Variants in TOP1 observed in about 807,000 individuals in gnomAD.
TOP1 encodes DNA topoisomerase I, also known as DNA topoisomerase 1.
Under a neutral mutation model 111.1 loss-of-function variants are expected in TOP1, and 10 were observed. The observed-to-expected ratio is 0.09, with a 90% CI of 0.06 to 0.15. The LOEUF is 0.15. TOP1 is among the 10% of genes least tolerant of loss of function. TOP1 has a pLI of 1.00. For synonymous variants in TOP1, 271 were observed against 302.9 expected, an observed-to-expected ratio of 0.89 and a Z score of 1.10; for missense variants, 474 against 926.7, an observed-to-expected ratio of 0.51 and a Z score of 6.34.
chr20:41,030,194 A>G lies in TOP1; in HGVS notation c.58+739A>G, dbSNP rs1329348908. 6.6e-6 allele frequency among the ~76,000 whole-genome samples: 1 copy of G among 152,194 alleles called. No homozygotes were observed. The highest frequency in any genetic ancestry group is 1.5e-5 in the Non-Finnish European group (1 of 68,026). On this transcript the variant is annotated intron_variant, in intron 2 of 20. Transcript: ENST00000361337. The surrounding 1 kb of genome is among the most constrained non-coding windows in gnomAD (Gnocchi z 4.1). ...TTGCAAGTTCTCTGTGGGTCACCCA[A>G]TGTAAATGTTGGATTTTTAAAAAAT...
rs1320590770 is a variant in TOP1 at position 41,061,090 on chromosome 20, A to G, written c.59-304A>G. Reference sequence around the variant, plus strand: ...ATACTATCCCTTTGTTATCATTTATAGGTCAGGCTTAATAGTATTATGTCT... The same window carrying G: ...ATACTATCCCTTTGTTATCATTTATGGGTCAGGCTTAATAGTATTATGTCT... On this transcript the variant is annotated intron_variant, in intron 2 of 20. Transcript: ENST00000361337. The surrounding 1 kb of genome is among the most constrained non-coding windows in gnomAD (Gnocchi z 4.6). 6.6e-6 allele frequency among the ~76,000 whole-genome samples: 1 copy of G among 152,186 alleles called. No individual in the cohort carries two copies. The highest frequency in any genetic ancestry group is 1.5e-5 in the Non-Finnish European group (1 of 68,028).
At chr20:41,038,935 G>A (rs1033918207) in intron 2 of TOP1, among the ~76,000 whole-genome samples, 4 of 151,836 alleles carry the variant, frequency 2.6e-5, no homozygotes, top group Admixed American at 2.6e-4. Flanking sequence ...GTTGCAGTGA[G>A]CCGTGAGCAT....
Position 41,092,685 on chromosome 20 carries a change from C to G in TOP1, c.730+98C>G. On this transcript the variant is annotated intron_variant, in intron 9 of 20. Transcript: ENST00000361337. This position sits in a 1 kb window ranked among gnomAD's most constrained non-coding sequence, Gnocchi z 4.3. ...GAAGGATCCTATGTAATAGATAATC[C>G]TTTTTATTTCATTTTGTTTTATTGC... is the stretch of plus-strand genomic sequence containing the variant. 1.7e-6 allele frequency: 1 copy of G among 597,520 alleles called. No individual in the cohort carries two copies. The highest frequency in any genetic ancestry group is 3.1e-5 in the Admixed American group (1 of 32,458). 37.0% of individuals were successfully genotyped at this position (597,520 alleles called of 1,614,324 possible). A position where few individuals can be genotyped will look rare whatever the true frequency, so the allele number is the denominator to read the frequency against.
At position 41,078,497 on chromosome 20, in the gene TOP1, G is replaced by A. The variant is rs573005335; in HGVS notation, c.335+860G>A. Among the ~76,000 whole-genome samples the A allele has an allele frequency of 6.6e-6, 1 of 152,254 alleles. No homozygotes were observed. Among genetic ancestry groups the A allele is most frequent in the Non-Finnish European group, 1.5e-5 (1 of 68,008 alleles). Reference sequence around the variant, plus strand: ...TTGACAATTGTGCCTGGTACTCTGGGGTCCTTTAGACAAGGAGAAAAGCAG... The same window carrying A: ...TTGACAATTGTGCCTGGTACTCTGGAGTCCTTTAGACAAGGAGAAAAGCAG... On this transcript the variant is annotated intron_variant, in intron 5 of 20. Transcript: ENST00000361337. This position sits in a 1 kb window ranked among gnomAD's most constrained non-coding sequence, Gnocchi z 5.3.
rs966289493 is a variant in TOP1 at position 41,032,015 on chromosome 20, A to G, written c.58+2560A>G. 6.6e-6 allele frequency among the ~76,000 whole-genome samples: 1 copy of G among 152,232 alleles called. No homozygotes were observed. Among genetic ancestry groups the G allele is most frequent in the Non-Finnish European group, 1.5e-5 (1 of 68,044 alleles). On this transcript the variant is annotated intron_variant, in intron 2 of 20. Coordinates refer to ENST00000361337, the MANE Select transcript of TOP1 (RefSeq NM_003286.4). This position sits in a 1 kb window ranked among gnomAD's most constrained non-coding sequence, Gnocchi z 4.3. ...TTGCTATCTCAAGTAATACATTGTT[A>G]ACCAGTGATTGATTTATGTAACTAT... is the stretch of plus-strand genomic sequence containing the variant.
In TOP1 at chr20:41,076,182, A is replaced by C. The variant is rs2033725364; in HGVS notation, c.167A>C (p.Asp56Ala). The C allele has an allele frequency of 1.2e-6, 2 of 1,610,144 alleles. No individual in the cohort carries two copies. The highest frequency in any genetic ancestry group is 1.7e-6 in the Non-Finnish European group (2 of 1,177,856). ...TTAACTTTTTACAGTGAACATAAAG[A>C]TTCTGAAAAGAAACACAAAGAGAAG... Reference protein sequence around the residue: ...KSKHSNSEHKDSEKKHKEKEK... With the variant: ...KSKHSNSEHKASEKKHKEKEK... The change falls in exon 4 of 21, where the codon GAT (aspartate) becomes GCT (alanine). Residue 56 changes from aspartate (D) to alanine (A), a missense_variant. Asp to Ala is a moderately radical substitution (Grantham distance 126). This residue lies in a region of TOP1 where 185 missense variants were observed against 226.3 expected (regional missense o/e 0.82). Transcript: ENST00000361337.
At chr20:41,085,068 C>A (rs1270731784) in intron 8 of TOP1, among the ~76,000 whole-genome samples, 20 of 136,440 alleles carry the variant, frequency 1.5e-4, no homozygotes, top group African/African-American at 4.4e-4. Flanking sequence ...CAGGTGGACA[C>A]CTTCATGCCA....
chr20:41,088,420 G>A (rs765093968), intron 8 of TOP1, among the ~76,000 whole-genome samples: 1 of 152,176 alleles, frequency 6.6e-6, no homozygotes. Context: ...CGAGAATGGT[G>A]TGAACCCTGG....
Position 41,088,975 on chromosome 20 carries a change from ACT to A in TOP1, c.615-3494_615-3493del, listed in dbSNP as rs543504612. Among the ~76,000 whole-genome samples, 824 of 147,082 alleles carry A rather than the reference ACT, an allele frequency of 5.6e-3. 5 individuals carry two copies. The highest frequency in any genetic ancestry group is 0.016 in the South Asian group (75 of 4,628). ...GAACTCTACATCTTGCAAAACTGAA[ACT>A]CTGTAGTTATTAACAATTCCCCACT... On this transcript the variant is annotated intron_variant, in intron 8 of 20. Coordinates refer to ENST00000361337, the MANE Select transcript of TOP1 (RefSeq NM_003286.4).
chr20:41,113,685 TGTG>T (rs1365163058), intron 14 of TOP1, among the ~76,000 whole-genome samples: 14 of 146,542 alleles, frequency 9.6e-5, no homozygotes, highest in Non-Finnish European at 1.3e-4. Flanking sequence ...TCCTGGCCAA[TGTG>T]GTGAAACCCC....
In TOP1 at chr20:41,116,195, C is replaced by A; in HGVS notation, c.1708-83C>A. 2.4e-6 allele frequency: 2 copies of A among 823,866 alleles called. No individual in the cohort carries two copies. The highest frequency in any genetic ancestry group is 4.0e-6 in the Non-Finnish European group (2 of 494,010). 51.0% of individuals were successfully genotyped at this position (823,866 alleles called of 1,614,324 possible). ...AATAAACTTGACAAGATTGTGACTG[C>A]ACTGGCATAAATTACTCCTAGGGCT... On this transcript the variant is annotated intron_variant, in intron 16 of 20. Coordinates refer to ENST00000361337, the MANE Select transcript of TOP1 (RefSeq NM_003286.4). The surrounding 1 kb of genome is among the most constrained non-coding windows in gnomAD (Gnocchi z 5.6).
intron 8 of TOP1, among the ~76,000 whole-genome samples, chr20:41,091,552 CTTTTTTT>C (rs532948716): frequency 2.1e-5 from 2 of 96,222 alleles, no homozygotes; most frequent in African/African-American, 8.5e-5. Context: ...AATTATTAAC[CTTTTTTT>C]TTTTTTTTTT....
At position 41,032,481 on chromosome 20, in the gene TOP1, C is replaced by T. The variant is rs2033132979; in HGVS notation, c.58+3026C>T. ...GCTGAGTCATTATTACAGTACTGTA[C>T]AGGCTGCGTAGCTATCTGTAGAATT... On this transcript the variant is annotated intron_variant, in intron 2 of 20. Transcript: ENST00000361337. This position sits in a 1 kb window ranked among gnomAD's most constrained non-coding sequence, Gnocchi z 4.3. 1.3e-5 allele frequency among the ~76,000 whole-genome samples: 2 copies of T among 152,226 alleles called. No homozygotes were observed. Among genetic ancestry groups the T allele is most frequent in the African/African-American group, 4.8e-5 (2 of 41,462 alleles).
chr20:41,045,451 G>A (rs1469226654), intron 2 of TOP1, among the ~76,000 whole-genome samples: 1 of 152,166 alleles, frequency 6.6e-6, no homozygotes, highest in Non-Finnish European at 1.5e-5. Flanking sequence ...GGAAGTTCAG[G>A]CAGTTGTACG....
intron 18 of TOP1, among the ~76,000 whole-genome samples, chr20:41,120,075 C>G (rs2034397495): frequency 6.6e-6 from 1 of 152,228 alleles, no homozygotes; most frequent in South Asian, 2.1e-4. Flanking sequence ...AAAGCAAACA[C>G]ACGCCCCTGT....
At position 41,123,922 on chromosome 20, in the gene TOP1, G is replaced by C. The variant is rs1294851817; in HGVS notation, c.*625G>C. Reference sequence around the variant, plus strand: ...GATGGGAAAATATTTCCTGACTTGAGTGTTCCTTTTTAAATGTGAATTTTT... The same window carrying C: ...GATGGGAAAATATTTCCTGACTTGACTGTTCCTTTTTAAATGTGAATTTTT... On this transcript the variant is annotated 3_prime_UTR_variant, in exon 21 of 21. Transcript: ENST00000361337. The surrounding 1 kb of genome is among the most constrained non-coding windows in gnomAD (Gnocchi z 5.8). The C allele has an allele frequency of 4.3e-6, 1 of 232,116 alleles. No homozygotes were observed. The highest frequency in any genetic ancestry group is 5.6e-5 in the Admixed American group (1 of 17,718). 14.4% of individuals were successfully genotyped at this position (232,116 alleles called of 1,614,324 possible). A position where few individuals can be genotyped will look rare whatever the true frequency, so the allele number is the denominator to read the frequency against.
At position 41,121,256 on chromosome 20, in the gene TOP1, G is replaced by C. The variant is rs185460886; in HGVS notation, c.1951-440G>C. 5.9e-5 allele frequency among the ~76,000 whole-genome samples: 9 copies of C among 152,304 alleles called. No individual in the cohort carries two copies. Among genetic ancestry groups the C allele is most frequent in the Admixed American group, 3.9e-4 (6 of 15,304 alleles). On this transcript the variant is annotated intron_variant, in intron 18 of 20. Transcript: ENST00000361337. This position sits in a 1 kb window ranked among gnomAD's most constrained non-coding sequence, Gnocchi z 4.2. Reference sequence around the variant, plus strand: ...CTGAGGAACGAGCTGGGGTTGCCCAGTAGATGCAAGTATCCTGCTTCAGTT... The same window carrying C: ...CTGAGGAACGAGCTGGGGTTGCCCACTAGATGCAAGTATCCTGCTTCAGTT...
intron 8 of TOP1, among the ~76,000 whole-genome samples, chr20:41,088,667 T>A (rs1436512439): frequency 6.6e-6 from 1 of 152,054 alleles, no homozygotes; most frequent in African/African-American, 2.4e-5. Flanking sequence ...ATATATATAT[T>A]TTCTCTATTT....
chr20:41,103,990 T>A (rs988829116), intron 13 of TOP1, among the ~76,000 whole-genome samples: 1 of 152,160 alleles, frequency 6.6e-6, no homozygotes, highest in Non-Finnish European at 1.5e-5. Flanking sequence ...GTGATTTACA[T>A]ATAATGCCTG....
Sources: gnomAD v4.1 joint callset for allele counts (sites outside exome capture counted in the v4.1 genomes callset) on GRCh38, gnomAD v4.1.1 for gene constraint, gnomAD v4.1.1 regional missense constraint, Gnocchi (gnomAD v3.1) non-coding constraint, MANE v1.5 for transcripts, NCBI Gene and HGNC (gene_info 2026-07-23, HGNC 2026-07-21) for gene names.